TOGARAM2: variants seen among roughly 807,000 people sequenced by gnomAD.
TOGARAM2 encodes TOG array regulator of axonemal microtubules 2, also known as TOG array regulator of axonemal microtubules protein 2.
In TOGARAM2, 85 loss-of-function variants were observed where a neutral mutation model predicts 93.3. The observed-to-expected ratio is 0.91, with a 90% CI of 0.76 to 1.09. The LOEUF (loss-of-function observed/expected upper bound fraction) is 1.09. Among genes scored for constraint, TOGARAM2 ranks in the 50% least tolerant of loss-of-function variants. TOGARAM2 has a pLI of 0.00. For missense variants in TOGARAM2, 1,277 were observed against 1,334.5 expected, an observed-to-expected ratio of 0.96 and a Z score of 0.67; for synonymous variants, 593 against 552.8, an observed-to-expected ratio of 1.07 and a Z score of -1.02.
Position 28,967,429 on chromosome 2 carries a change from C to T in TOGARAM2, c.-147+10732C>T, listed in dbSNP as rs1415517768. Among the ~76,000 whole-genome samples the T allele has an allele frequency of 5.3e-5, 8 of 152,162 alleles. No individual in the cohort carries two copies. The South Asian group carries it at 6.2e-4, about 12-fold the overall frequency. On this transcript the variant is annotated intron_variant, in intron 1 of 6. Coordinates refer to the TOGARAM2 transcript ENST00000401723. ...ACTTGAGGCTGTAGTGAGCTGTGAT[C>T]GCACCACTGCACTCCTGCCTGGGTG...
At chr2:28,971,761 C>A (rs1227090925) in intron 1 of TOGARAM2, among the ~76,000 whole-genome samples, 1 of 152,140 alleles carries the variant, frequency 6.6e-6, no homozygotes, top group East Asian at 1.9e-4. Flanking sequence ...GCTTGGACAA[C>A]TTTCTTGAGG....
intron 1 of TOGARAM2, among the ~76,000 whole-genome samples, chr2:28,987,177 A>G (rs1312852517): frequency 6.6e-6 from 1 of 152,232 alleles, no homozygotes; most frequent in East Asian, 1.9e-4. Flanking sequence ...GCTCAATGAC[A>G]TAGTATTTGG....
intron 6 of TOGARAM2, among the ~76,000 whole-genome samples, chr2:29,010,028 G>GGTGTGT (rs56239245): frequency 6.1e-5 from 9 of 148,660 alleles, no homozygotes; most frequent in South Asian, 4.3e-4. Context: ...GCTCAGAGCA[G>GGTGTGT]GTGTGTGTGT....
intron 10 of TOGARAM2, among the ~76,000 whole-genome samples, chr2:29,018,967 C>T (rs1664762682): frequency 6.6e-6 from 1 of 152,132 alleles, no homozygotes; most frequent in Admixed American, 6.5e-5. Context: ...AAATATTTAT[C>T]ATATTCTATG....
chr2:29,010,751 T>C (rs903964755), intron 6 of TOGARAM2, among the ~76,000 whole-genome samples: 1 of 152,074 alleles, frequency 6.6e-6, no homozygotes, highest in Non-Finnish European at 1.5e-5. Flanking sequence ...CATGTCTTAT[T>C]GATGCTCCAT....
rs1663758087 is a variant in TOGARAM2, at chr2:29,005,980, T to TGCATGTGTGTG, written c.830+2299_830+2300insCATGTGTGTGG. On this transcript the variant is annotated intron_variant, in intron 6 of 19. Transcript: ENST00000379558. ...ATGTGTATTTGTGTGTGAGACCGTATGAGTGCATGTGTAGGGTGTGTATGT... is the reference window on the plus strand; with the variant it reads ...ATGTGTATTTGTGTGTGAGACCGTATGCATGTGTGTGGAGTGCATGTGTAGGGTGTGTATGT... Among the ~76,000 whole-genome samples the TGCATGTGTGTG allele has an allele frequency of 1.2e-4, 6 of 48,964 alleles. No homozygotes were observed. In the Admixed American group the frequency reaches 1.4e-3, roughly 12 times the overall value. The allele number at this position is 48,964 out of a possible 152,430, so 32.1% of individuals were successfully genotyped here. A position where few individuals can be genotyped will look rare whatever the true frequency, so the allele number is the denominator to read the frequency against.
intron 1 of TOGARAM2, among the ~76,000 whole-genome samples, chr2:28,973,365 TCCTTCCTTC>T (rs1211545001): frequency 3.4e-5 from 3 of 88,508 alleles, no homozygotes; most frequent in African/African-American, 4.7e-5. Context: ...CCTTCTTTCC[TCCTTCCTTC>T]CCTTCCTTCC....
intron 6 of TOGARAM2, among the ~76,000 whole-genome samples, chr2:29,006,079 ACGTGTGTGTGTGT>A: frequency 1.6e-5 from 1 of 61,106 alleles, no homozygotes; most frequent in South Asian, 5.9e-4. Flanking sequence ...GTGTGAGAGC[ACGTGTGTGTGTGT>A]GGGGTGCATG....
At chr2:29,004,677 T>C (rs564042511) in intron 6 of TOGARAM2, among the ~76,000 whole-genome samples, 2 of 152,242 alleles carry the variant, frequency 1.3e-5, no homozygotes, top group South Asian at 4.1e-4. Context: ...TATGTGAGTA[T>C]ATGCATGTAT....
chr2:29,046,535 A>T (rs538041482), intron 19 of TOGARAM2: 1 of 152,304 alleles, frequency 6.6e-6, no homozygotes, highest in Admixed American at 6.5e-5. Context: ...TGTCTTCAGG[A>T]TAGTGTCCAG....
At chr2:28,982,046 G>A (rs1672221019) in intron 1 of TOGARAM2, among the ~76,000 whole-genome samples, 1 of 152,196 alleles carries the variant, frequency 6.6e-6, no homozygotes, top group Non-Finnish European at 1.5e-5. Flanking sequence ...CTTTCTGGCT[G>A]TGTGGACTTG....
intron 10 of TOGARAM2, among the ~76,000 whole-genome samples, chr2:29,019,654 G>A (rs563637992): frequency 6.6e-6 from 1 of 152,270 alleles, no homozygotes; most frequent in East Asian, 1.9e-4. Context: ...TGTTTGGCAG[G>A]TGAGCGGGTA....
intron 18 of TOGARAM2, among the ~76,000 whole-genome samples, chr2:29,043,006 G>A (rs1417503701): frequency 1.3e-5 from 2 of 152,232 alleles, no homozygotes; most frequent in Non-Finnish European, 2.9e-5. Flanking sequence ...ATTAGAGAAT[G>A]TTCTAGGCTG....
In TOGARAM2 at chr2:29,033,516, G is replaced by A. The variant is rs1665904081; in HGVS notation, c.2178G>A (p.Val726=). ...DELPSAKGRK[V]LRSLVVCENG... Reference sequence around the variant, plus strand: ...TTCCCTCTGCCAAAGGCCGCAAGGTGTTGAGGAGTCTGGTGGTGTGTGAGA... The same window carrying A: ...TTCCCTCTGCCAAAGGCCGCAAGGTATTGAGGAGTCTGGTGGTGTGTGAGA... The change falls in exon 16 of 20, where the codon GTG becomes GTA. Residue 726 remains valine (V), a synonymous_variant. Coordinates refer to ENST00000379558, the MANE Select transcript of TOGARAM2 (RefSeq NM_199280.4). The A allele has an allele frequency of 2.5e-6, 4 of 1,613,866 alleles. No homozygotes were observed. The highest frequency in any genetic ancestry group is 1.1e-5 in the South Asian group (1 of 90,992).
chr2:29,004,614 G>A (rs1297353797), intron 6 of TOGARAM2, among the ~76,000 whole-genome samples: 4 of 143,924 alleles, frequency 2.8e-5, no homozygotes, highest in Non-Finnish European at 6.1e-5. Flanking sequence ...ACATGTATGA[G>A]TGCCTGCAGG....
At chr2:29,006,194 T>A (rs549501912) in intron 6 of TOGARAM2, among the ~76,000 whole-genome samples, 7 of 148,660 alleles carry the variant, frequency 4.7e-5, no homozygotes, top group Admixed American at 3.3e-4. Context: ...TGTGTGCATG[T>A]GTGTGAGTGC....
At chr2:28,987,557 G>A (rs140463422) in intron 1 of TOGARAM2, among the ~76,000 whole-genome samples, 275 of 152,284 alleles carry the variant, frequency 1.8e-3, no homozygotes, top group Non-Finnish European at 1.1e-3. Flanking sequence ...TCAAAGTGCT[G>A]GGATTACAGG....
At chr2:29,005,406 T>TGTGTGC (rs1558422432) in intron 6 of TOGARAM2, among the ~76,000 whole-genome samples, 1 of 51,578 alleles carries the variant, frequency 1.9e-5, no homozygotes. Context: ...GTGGAGTGTG[T>TGTGTGC]GTGTGCGTGT....
Position 29,017,874 on chromosome 2 carries a change from C to T in TOGARAM2, c.1278C>T (p.Ile426=). 1 of 1,613,456 alleles carries T rather than the reference C, an allele frequency of 6.2e-7. No individual in the cohort carries two copies. The highest frequency in any genetic ancestry group is 1.1e-5 in the South Asian group (1 of 90,992). The change falls in exon 10 of 20, where the codon ATC becomes ATT. Residue 426 remains isoleucine, a synonymous_variant. Transcript: ENST00000379558. ...CATGCAGAAACGACGTCAGCATCAT[C>T]CTGAGGAAGTGGGCCAGCCGGGCCT... is the stretch of plus-strand genomic sequence containing the variant. ...SGPCRNDVSI[I]LRKWASRASL... is the part of the protein sequence containing the mutation.
Sources: gnomAD v4.1 joint callset for allele counts (sites outside exome capture counted in the v4.1 genomes callset) on GRCh38, gnomAD v4.1.1 for gene constraint, MANE v1.5 for transcripts, NCBI Gene and HGNC (gene_info 2026-07-23, HGNC 2026-07-21) for gene names.